SLC35F1: variants seen among roughly 807,000 people sequenced by gnomAD.
SLC35F1 encodes the protein chromosome 6 open reading frame 169.
A neutral mutation model predicts 48.7 loss-of-function variants in SLC35F1; 14 were observed. The observed-to-expected ratio is 0.29, with a 90% CI of 0.19 to 0.45. The LOEUF is 0.45. Ranked by LOEUF, SLC35F1 falls within the 20% of genes least tolerant of loss-of-function variation. The probability of loss-of-function intolerance (pLI) is 1.00; values close to 1 mark genes in which losing one functional copy is unlikely to be tolerated. For synonymous variants in SLC35F1, 190 were observed against 202.2 expected (o/e 0.94, Z 0.51); for missense variants, 404 against 500.0 (o/e 0.81, Z 1.83).
chr6:118,164,627 G>T (rs1282919247), intron 2 of SLC35F1, among the ~76,000 whole-genome samples: 1 of 152,148 alleles, frequency 6.6e-6, no homozygotes, highest in African/African-American at 2.4e-5. Flanking sequence ...GAGGCATACA[G>T]AAAACAATAA....
intron 1 of SLC35F1, among the ~76,000 whole-genome samples, chr6:117,966,445 T>C (rs539799460): frequency 1.3e-5 from 2 of 151,874 alleles, no homozygotes; most frequent in Non-Finnish European, 2.9e-5. Context: ...GGAGGAGGAA[T>C]GAACAACTCG....
chr6:118,266,798 C>A (rs1213252506), intron 3 of SLC35F1, among the ~76,000 whole-genome samples, 197 bp from the exon 4 acceptor site: 3 of 152,124 alleles, frequency 2.0e-5, no homozygotes, highest in African/African-American at 7.2e-5. Context: ...GGGATGTTTA[C>A]AATTAAGTAA....
At chr6:118,059,680 C>T (rs72959863) in intron 1 of SLC35F1, among the ~76,000 whole-genome samples, 7 of 152,282 alleles carry the variant, frequency 4.6e-5, no homozygotes, top group Non-Finnish European at 1.0e-4. Flanking sequence ...GAAAAAGAGG[C>T]ATGGACAGTC....
intron 1 of SLC35F1, among the ~76,000 whole-genome samples, chr6:117,962,380 A>G (rs1368648420): frequency 6.6e-6 from 1 of 152,198 alleles, no homozygotes; most frequent in African/African-American, 2.4e-5. Context: ...TTCACTTATT[A>G]AAACTTCCCA....
chr6:118,124,356 A>G (rs1346293390), intron 1 of SLC35F1, among the ~76,000 whole-genome samples: 5 of 152,140 alleles, frequency 3.3e-5, no homozygotes, highest in African/African-American at 1.2e-4. Context: ...ATTAAATCTG[A>G]TTGACTTGGT....
chr6:117,915,381 A>G (rs1262628997), intron 1 of SLC35F1, among the ~76,000 whole-genome samples: 1 of 152,198 alleles, frequency 6.6e-6, no homozygotes, highest in Non-Finnish European at 1.5e-5. Context: ...GATACAGCTA[A>G]GTGCTTTTGT....
chr6:118,111,586 A>C (rs1289074612), intron 1 of SLC35F1, among the ~76,000 whole-genome samples: 1 of 152,194 alleles, frequency 6.6e-6, no homozygotes, highest in Non-Finnish European at 1.5e-5. Context: ...CTTGCATAAA[A>C]TATTAGAAGT....
chr6:118,225,643 G>A lies in SLC35F1; in HGVS notation c.350-9866G>A, dbSNP rs963409510. On this transcript the variant is annotated intron_variant, in intron 2 of 7. Transcript: ENST00000360388. ...TAGCAAAAGCAAACATGAACAAATGGGGTCATATCAAGTTAAAAACCTTCT... is the reference window on the plus strand; with the variant it reads ...TAGCAAAAGCAAACATGAACAAATGAGGTCATATCAAGTTAAAAACCTTCT... Among the ~76,000 whole-genome samples the A allele has an allele frequency of 2.0e-5, 3 of 152,080 alleles. 1 individual carries two copies. The highest frequency in any genetic ancestry group is 4.4e-5 in the Non-Finnish European group (3 of 68,006).
chr6:118,009,366 G>A (rs1206913376), intron 1 of SLC35F1, among the ~76,000 whole-genome samples: 1 of 152,190 alleles, frequency 6.6e-6, no homozygotes, highest in Non-Finnish European at 1.5e-5. Context: ...AAAGATGCCT[G>A]AGGTCAGGAC....
chr6:117,913,924 G>A (rs998015154), intron 1 of SLC35F1, among the ~76,000 whole-genome samples: 9 of 151,836 alleles, frequency 5.9e-5, no homozygotes, highest in South Asian at 2.1e-4. Flanking sequence ...GGTGGTATGC[G>A]CTTATAGTCC....
chr6:118,090,222 C>G (rs1375172133), intron 1 of SLC35F1, among the ~76,000 whole-genome samples: 1 of 152,154 alleles, frequency 6.6e-6, no homozygotes, highest in Non-Finnish European at 1.5e-5. Context: ...TCTTGTTTAA[C>G]TGGCCAGGAT....
intron 1 of SLC35F1, among the ~76,000 whole-genome samples, chr6:118,071,554 CT>C (rs1354898723): frequency 6.6e-6 from 1 of 152,018 alleles, no homozygotes; most frequent in African/African-American, 2.4e-5. Context: ...AATCATGACT[CT>C]TTTATCTTTC....
At chr6:118,190,589 C>G (rs893612547) in intron 2 of SLC35F1, among the ~76,000 whole-genome samples, 1 of 152,194 alleles carries the variant, frequency 6.6e-6, no homozygotes, top group African/African-American at 2.4e-5. Context: ...CATGGTCACA[C>G]ATTTCTTTCA....
rs80310141 is a variant in SLC35F1 at position 118,273,192 on chromosome 6, A to G, written c.638-2267A>G. 4.1e-3 allele frequency among the ~76,000 whole-genome samples: 619 copies of G among 152,312 alleles called. 8 individuals are homozygous for G. Among genetic ancestry groups the G allele is most frequent in the African/African-American group, 0.014 (586 of 41,582 alleles). ...GTGAAAACTCAAAGTACTGATGAGT[A>G]TATTTCCTACAGTCAAAGGCTAGTT... is the stretch of plus-strand genomic sequence containing the variant. On this transcript the variant is annotated intron_variant, in intron 4 of 7. Coordinates refer to ENST00000360388, the MANE Select transcript of SLC35F1 (RefSeq NM_001029858.4).
chr6:118,048,086 C>T (rs1454141425), intron 1 of SLC35F1, among the ~76,000 whole-genome samples: 1 of 152,128 alleles, frequency 6.6e-6, no homozygotes, highest in African/African-American at 2.4e-5. Context: ...GAGTTTTTAG[C>T]ATGAAGCGTT....
intron 6 of SLC35F1, among the ~76,000 whole-genome samples, chr6:118,281,321 T>C (rs1775982381): frequency 6.6e-6 from 1 of 151,988 alleles, no homozygotes; most frequent in African/African-American, 2.4e-5. Flanking sequence ...GTGTTATGTA[T>C]TCAGAATTTA....
At chr6:117,939,308 A>G (rs1291983344) in intron 1 of SLC35F1, among the ~76,000 whole-genome samples, 1 of 152,166 alleles carries the variant, frequency 6.6e-6, no homozygotes, top group Non-Finnish European at 1.5e-5. Flanking sequence ...ATATCAGTAG[A>G]TGCAAATGTG....
At chr6:118,022,052 GAAAC>G (rs768749779) in intron 1 of SLC35F1, among the ~76,000 whole-genome samples, 3 of 152,188 alleles carry the variant, frequency 2.0e-5, no homozygotes, top group Non-Finnish European at 4.4e-5. Flanking sequence ...AGGGGGAAAA[GAAAC>G]AGAGTCTACT....
intron 1 of SLC35F1, among the ~76,000 whole-genome samples, chr6:118,029,555 ATATTTGGT>A (rs1772009772): frequency 6.6e-6 from 1 of 152,098 alleles, no homozygotes; most frequent in East Asian, 1.9e-4. Flanking sequence ...TATATTGAGT[ATATTTGGT>A]TTGTTACTAT....
Sources: gnomAD v4.1 joint callset for allele counts (sites outside exome capture counted in the v4.1 genomes callset) on GRCh38, gnomAD v4.1.1 for gene constraint, MANE v1.5 for transcripts, NCBI Gene and HGNC (gene_info 2026-07-23, HGNC 2026-07-21) for gene names.